ENTREP2: variants seen among roughly 807,000 people sequenced by gnomAD.
ENTREP2 encodes the protein endosomal transmembrane epsin interactor 2, also known as protein ENTREP2.
the ENTREP2 span, among the ~76,000 whole-genome samples, chr15:29,422,860 G>C: frequency 6.6e-6 from 1 of 152,190 alleles, no homozygotes; most frequent in African/African-American, 2.4e-5. Flanking sequence ...TTAGAAGTAA[G>C]TATGGAGAGA....
At chr15:29,452,984 C>T in the ENTREP2 span, among the ~76,000 whole-genome samples, 9 of 152,074 alleles carry the variant, frequency 5.9e-5, no homozygotes, top group Non-Finnish European at 1.0e-4. Context: ...GAAATTAAAC[C>T]GGAGGAGGCA....
At chr15:29,568,342 A>C in the ENTREP2 span, among the ~76,000 whole-genome samples, 1 of 152,282 alleles carries the variant, frequency 6.6e-6, no homozygotes, top group Non-Finnish European at 1.5e-5. Flanking sequence ...CCCTAGAGTA[A>C]TGTCCATACA....
chr15:29,434,227 C>T, the ENTREP2 span, among the ~76,000 whole-genome samples: 119 of 152,320 alleles, frequency 7.8e-4, no homozygotes, highest in African/African-American at 2.8e-3. Context: ...ATTCAGCAAT[C>T]TATGAGCGAG....
chr15:29,124,289 C>A, the ENTREP2 span, among the ~76,000 whole-genome samples: 1 of 152,230 alleles, frequency 6.6e-6, no homozygotes, highest in Admixed American at 6.5e-5. Flanking sequence ...CAACAAGGAC[C>A]AGCGAAGGCC....
the ENTREP2 span, among the ~76,000 whole-genome samples, chr15:29,459,838 G>A: frequency 1.3e-5 from 2 of 152,134 alleles, no homozygotes; most frequent in African/African-American, 4.8e-5. Flanking sequence ...GACTTGATAG[G>A]TTAGTTCCCT....
the ENTREP2 span, among the ~76,000 whole-genome samples, chr15:29,160,703 T>C: frequency 3.5e-5 from 4 of 113,558 alleles, no homozygotes; most frequent in East Asian, 4.9e-4. Context: ...AGTGAGACTC[T>C]GTCTCAAAAA....
chr15:29,587,138 CGTGTGTGTGTGTGTGTGT>C, the ENTREP2 span, among the ~76,000 whole-genome samples: 36 of 124,064 alleles, frequency 2.9e-4, no homozygotes, highest in Admixed American at 1.0e-3. Context: ...TGTAGCTAAC[CGTGTGTGTGTGTGTGTGT>C]GTGTGTGTGT....
the ENTREP2 span, among the ~76,000 whole-genome samples, chr15:29,672,626 G>C: frequency 6.6e-6 from 1 of 152,040 alleles, no homozygotes; most frequent in Admixed American, 6.6e-5. Flanking sequence ...AGACAGAGCC[G>C]ATTTATCAAG....
At chr15:29,120,662 G>A in the ENTREP2 span, 1 of 152,312 alleles carries the variant, frequency 6.6e-6, no homozygotes, top group Non-Finnish European at 1.5e-5. Flanking sequence ...GGGAGGGCAG[G>A]GGATGCCCGG....
the ENTREP2 span, among the ~76,000 whole-genome samples, chr15:29,327,326 A>C: frequency 6.6e-6 from 1 of 152,218 alleles, no homozygotes; most frequent in African/African-American, 2.4e-5. Flanking sequence ...GCGGTGGCTC[A>C]AGCCTGTAAT....
the ENTREP2 span, among the ~76,000 whole-genome samples, chr15:29,173,714 T>A: frequency 6.6e-6 from 1 of 152,170 alleles, no homozygotes; most frequent in Non-Finnish European, 1.5e-5. Context: ...TGGTTTGATT[T>A]CAGTCACCCC....
At chr15:29,160,460 T>C in the ENTREP2 span, among the ~76,000 whole-genome samples, 1,387 of 151,882 alleles carry the variant, frequency 9.1e-3, 18 homozygotes, top group African/African-American at 0.031. Flanking sequence ...ACCTGTAATC[T>C]CAGCACTTTT....
the ENTREP2 span, among the ~76,000 whole-genome samples, chr15:29,631,447 C>T: frequency 1.3e-5 from 2 of 152,146 alleles, no homozygotes; most frequent in Non-Finnish European, 2.9e-5. Flanking sequence ...CCTTAGGCTG[C>T]GGGTCCAATG....
chr15:29,123,576 G>A, the ENTREP2 span: 5 of 1,551,750 alleles, frequency 3.2e-6, no homozygotes, highest in Non-Finnish European at 4.4e-6. Flanking sequence ...TTGGCCGTTG[G>A]TCAGTTTTCC....
At chr15:29,368,048 C>A in the ENTREP2 span, among the ~76,000 whole-genome samples, 1 of 148,498 alleles carries the variant, frequency 6.7e-6, no homozygotes, top group African/African-American at 2.5e-5. Context: ...CCTGGCCTGG[C>A]ACAGTGGCTC....
the ENTREP2 span, among the ~76,000 whole-genome samples, chr15:29,669,231 A>G: frequency 6.6e-6 from 1 of 152,188 alleles, no homozygotes; most frequent in Non-Finnish European, 1.5e-5. Flanking sequence ...AAACAAAAAC[A>G]AAAAACAGGT....
the ENTREP2 span, among the ~76,000 whole-genome samples, chr15:29,617,910 T>C: frequency 6.6e-6 from 1 of 152,204 alleles, no homozygotes; most frequent in South Asian, 2.1e-4. Context: ...CCTGGCATCT[T>C]GATTTCCACA....
At chr15:29,327,599 A>AG in the ENTREP2 span, among the ~76,000 whole-genome samples, 1 of 151,944 alleles carries the variant, frequency 6.6e-6, no homozygotes, top group African/African-American at 2.4e-5. Flanking sequence ...CATCTCAAAA[A>AG]AAAAAAAAAA....
the ENTREP2 span, among the ~76,000 whole-genome samples, chr15:29,592,773 G>T: frequency 7.2e-5 from 11 of 152,284 alleles, no homozygotes; most frequent in African/African-American, 2.6e-4. Flanking sequence ...CCTGGTGGGG[G>T]TGGGGAAGAA....
Sources: allele counts gnomAD v4.1 joint callset (sites outside exome capture counted in the v4.1 genomes callset), GRCh38; gene constraint gnomAD v4.1.1; transcripts MANE v1.5; gene names NCBI Gene and HGNC (gene_info 2026-07-23, HGNC 2026-07-21).